Variants in RAB3GAP2 observed in about 807,000 individuals in gnomAD.
RAB3GAP2 encodes the protein RAB3 GTPase activating non-catalytic protein subunit 2, also known as rab3 GTPase-activating protein non-catalytic subunit.
RAB3GAP2 carries 87 observed loss-of-function variants against 185.3 expected under a neutral mutation model. The ratio of observed to expected loss-of-function variants is 0.47; its 90% CI spans 0.39 to 0.56. The LOEUF (loss-of-function observed/expected upper bound fraction) is 0.56. Among genes scored for constraint, RAB3GAP2 ranks in the 20% least tolerant of loss-of-function variants. RAB3GAP2 has a pLI of 0.00. For synonymous variants in RAB3GAP2, 554 were observed against 576.1 expected, an observed-to-expected ratio of 0.96 and a Z score of 0.55; for missense variants, 1,492 against 1,638.2, an observed-to-expected ratio of 0.91 and a Z score of 1.54.
At chr1:220,267,010 C>T in intron 1 of RAB3GAP2, 1 of 1,611,294 alleles carries the variant, frequency 6.2e-7, no homozygotes, top group Non-Finnish European at 8.5e-7. Context: ...ATGCATCCGA[C>T]CTTCAATCAT....
chr1:220,226,577 A>G (rs1659406417), intron 2 of RAB3GAP2, among the ~76,000 whole-genome samples: 1 of 152,092 alleles, frequency 6.6e-6, no homozygotes, highest in Non-Finnish European at 1.5e-5. Flanking sequence ...ATAGAGGAAG[A>G]TCTTTGTTTT....
chr1:220,230,959 C>T (rs1659488597), intron 2 of RAB3GAP2, among the ~76,000 whole-genome samples: 1 of 152,178 alleles, frequency 6.6e-6, no homozygotes, highest in Admixed American at 6.5e-5. Context: ...TTCACTAATA[C>T]CACCTTAATC....
chr1:220,196,487 T>G, intron 9 of RAB3GAP2, 89 bp from the exon 10 acceptor site: 1 of 1,265,340 alleles, frequency 7.9e-7, no homozygotes, highest in Non-Finnish European at 1.1e-6. Context: ...TGCTAAATGT[T>G]TAGTTTTATT....
At chr1:220,237,896 AAAC>A (rs929171634) in intron 1 of RAB3GAP2, among the ~76,000 whole-genome samples, 10 of 152,168 alleles carry the variant, frequency 6.6e-5, no homozygotes, top group South Asian at 4.1e-4. Context: ...AAAAAAAAAA[AAAC>A]AACAGGTGAA....
At chr1:220,154,169 T>C in intron 31 of RAB3GAP2, 112 bp from the exon 32 acceptor site, 1 of 1,429,938 alleles carries the variant, frequency 7.0e-7, no homozygotes, top group Non-Finnish European at 9.4e-7. Flanking sequence ...TATTTCTCCT[T>C]GAACAGTAAG....
chr1:220,251,554 G>C (rs890992616), intron 1 of RAB3GAP2, among the ~76,000 whole-genome samples: 3 of 152,172 alleles, frequency 2.0e-5, no homozygotes, highest in Non-Finnish European at 4.4e-5. Flanking sequence ...TCAATTTTAA[G>C]AGGTATGAAT....
At chr1:220,186,766 A>C (rs2102867361) in intron 17 of RAB3GAP2, among the ~76,000 whole-genome samples, 1 of 152,278 alleles carries the variant, frequency 6.6e-6, no homozygotes, top group African/African-American at 2.4e-5. Flanking sequence ...AGTACCATTA[A>C]AAAAAAGAAA....
chr1:220,228,847 C>T (rs925805720), intron 2 of RAB3GAP2, among the ~76,000 whole-genome samples: 1 of 152,192 alleles, frequency 6.6e-6, no homozygotes, highest in Non-Finnish European at 1.5e-5. Flanking sequence ...TCTATCAAGA[C>T]AAAGAACACC....
At chr1:220,231,555 G>C (rs1055670560) in intron 2 of RAB3GAP2, among the ~76,000 whole-genome samples, 2 of 151,928 alleles carry the variant, frequency 1.3e-5, no homozygotes, top group Admixed American at 6.6e-5. Flanking sequence ...TTTTGTTCAG[G>C]TATCAACTCC....
chr1:220,164,070 A>C (rs927693283), intron 27 of RAB3GAP2, among the ~76,000 whole-genome samples: 1 of 152,176 alleles, frequency 6.6e-6, no homozygotes, highest in Non-Finnish European at 1.5e-5. Flanking sequence ...TACAAGTTCA[A>C]TATTTTTTCA....
rs975909060 is a variant in RAB3GAP2, at chr1:220,220,295, G to A, written c.181-6316C>T. On this transcript the variant is annotated intron_variant, in intron 2 of 34. Coordinates refer to ENST00000358951, the MANE Select transcript of RAB3GAP2 (RefSeq NM_012414.4). The stretch of plus-strand genomic sequence containing the variant: ...CGTCCCTTCCCTGCCACTGTGAAGT[G>A]GGTGTTCAGAGAGTCTCGCTCCTGG... 3.9e-5 allele frequency: 6 copies of A among 152,394 alleles called. 1 individual carries two copies. Among genetic ancestry groups the A allele is most frequent in the Admixed American group, 3.3e-4 (5 of 15,306 alleles). 9.4% of individuals were successfully genotyped at this position (152,394 alleles called of 1,614,324 possible). A position where few individuals can be genotyped will look rare whatever the true frequency, so the allele number is the denominator to read the frequency against.
At chr1:220,195,012 G>C in intron 12 of RAB3GAP2, 66 bp downstream of exon 12, 1 of 1,458,752 alleles carries the variant, frequency 6.9e-7, no homozygotes, top group South Asian at 1.1e-5. Context: ...CAAGCACACG[G>C]AAAGACCATA....
At chr1:220,209,016 C>T (rs1659028804) in intron 7 of RAB3GAP2, among the ~76,000 whole-genome samples, 1 of 152,138 alleles carries the variant, frequency 6.6e-6, no homozygotes, top group African/African-American at 2.4e-5. Context: ...CGTGCCCGGC[C>T]CCAAAACAAT....
chr1:220,225,720 C>A (rs915147457), intron 2 of RAB3GAP2, among the ~76,000 whole-genome samples: 1 of 152,188 alleles, frequency 6.6e-6, no homozygotes, highest in Admixed American at 6.5e-5. Context: ...TAATAAGAAA[C>A]AGCCTAATGA....
chr1:220,244,381 A>G (rs763185359), intron 1 of RAB3GAP2, among the ~76,000 whole-genome samples: 3 of 152,210 alleles, frequency 2.0e-5, no homozygotes, highest in South Asian at 2.1e-4. Flanking sequence ...GAAAACTACA[A>G]AACGCTGCTG....
chr1:220,224,665 A>G (rs1659371318), intron 2 of RAB3GAP2, among the ~76,000 whole-genome samples: 1 of 152,086 alleles, frequency 6.6e-6, no homozygotes, highest in African/African-American at 2.4e-5. Context: ...TAAAGGCAAA[A>G]CCAGTAAGGA....
intron 1 of RAB3GAP2, among the ~76,000 whole-genome samples, chr1:220,243,899 C>T (rs1344072524): frequency 6.6e-6 from 1 of 152,130 alleles, no homozygotes; most frequent in Non-Finnish European, 1.5e-5. Context: ...GCAGAAAACA[C>T]AGGCACAGAA....
chr1:220,245,961 T>C (rs1659803599), intron 1 of RAB3GAP2, among the ~76,000 whole-genome samples: 1 of 152,068 alleles, frequency 6.6e-6, no homozygotes, highest in Non-Finnish European at 1.5e-5. Context: ...GAGGGTCCTG[T>C]CTCTTAGAAG....
chr1:220,167,464 C>T, intron 25 of RAB3GAP2, 38 bp downstream of exon 25: 1 of 1,613,414 alleles, frequency 6.2e-7, no homozygotes, highest in Non-Finnish European at 8.5e-7. Flanking sequence ...CACATCTTTC[C>T]AATTTGGATT....
Sources: allele counts gnomAD v4.1 joint callset (sites outside exome capture counted in the v4.1 genomes callset), GRCh38; gene constraint gnomAD v4.1.1; transcripts MANE v1.5; gene names NCBI Gene and HGNC (gene_info 2026-07-23, HGNC 2026-07-21).